The following GABRA3 variants were observed in gnomAD, a reference collection of about 807,000 sequenced individuals.
The protein encoded by GABRA3 is gamma-aminobutyric acid receptor subunit alpha-3.
In GABRA3, 10 loss-of-function variants were observed where a neutral mutation model predicts 30.1. The observed-to-expected ratio is 0.33, with a 90% CI of 0.20 to 0.56. The LOEUF (loss-of-function observed/expected upper bound fraction) is 0.56, where lower values mean the gene tolerates loss of function less well. GABRA3 is among the 20% of genes least tolerant of loss of function. GABRA3 has a pLI of 0.89. For missense variants in GABRA3, 233 were observed against 392.0 expected (o/e 0.59, Z 3.42); for synonymous variants, 151 against 146.8 (o/e 1.03, Z -0.21).
chrX:152,373,085 A>T (rs1395419578), intron 1 of GABRA3, among the ~76,000 whole-genome samples: 1 of 111,862 alleles, frequency 8.9e-6, no homozygotes, highest in Admixed American at 9.5e-5. Flanking sequence ...AACTATGCTC[A>T]GTTCATACTT....
intron 4 of GABRA3, among the ~76,000 whole-genome samples, chrX:152,264,865 T>C (rs1159587655): frequency 9.1e-6 from 1 of 110,357 alleles, no homozygotes; most frequent in African/African-American, 3.3e-5. Context: ...TCAGACAAAA[T>C]AGATATCAAG....
At chrX:152,220,047 A>G (rs1937802568) in intron 6 of GABRA3, among the ~76,000 whole-genome samples, 2 of 111,685 alleles carry the variant, frequency 1.8e-5, no homozygotes, top group Admixed American at 9.6e-5. Flanking sequence ...CTCTTTCTGA[A>G]TACTTCTAAA....
chrX:152,199,114 C>T (rs776612158), intron 7 of GABRA3, among the ~76,000 whole-genome samples: 9 of 111,390 alleles, frequency 8.1e-5, no homozygotes, highest in Admixed American at 2.9e-4. Context: ...TGCCTGTAAT[C>T]CCAGCACTTT....
At chrX:152,308,341 A>G (rs1216469606) in intron 3 of GABRA3, among the ~76,000 whole-genome samples, 3 of 112,590 alleles carry the variant, frequency 2.7e-5, no homozygotes, top group Non-Finnish European at 5.6e-5. Flanking sequence ...TGGCATGCAT[A>G]CGCACAAACC....
At chrX:152,354,343 G>A (rs1311696464) in intron 2 of GABRA3, among the ~76,000 whole-genome samples, 2 of 111,334 alleles carry the variant, frequency 1.8e-5, no homozygotes, top group African/African-American at 6.5e-5. Context: ...CTGTTATAAG[G>A]ATTATATTAA....
At chrX:152,186,775 C>T (rs757351751) in intron 9 of GABRA3, 1 of 109,597 alleles carries the variant, frequency 9.1e-6, no homozygotes, top group African/African-American at 3.3e-5. Flanking sequence ...GCATATGCAC[C>T]CATGCCCAGA....
At position 152,167,995 on chromosome X, in the gene GABRA3, A is replaced by G. The variant is rs1009102566; in HGVS notation, c.*233T>C. On this transcript the variant is annotated 3_prime_UTR_variant, in exon 10 of 10. Transcript: ENST00000370314. ...TTGGCAGACTAAGATGAGCAACTGG[A>G]CAAATGGCAGTGTTTGGCTTTGATG... 2 of 409,736 alleles carry G rather than the reference A, an allele frequency of 4.9e-6. No individual in the cohort carries two copies. The highest frequency in any genetic ancestry group is 8.5e-6 in the Non-Finnish European group (2 of 236,181). 33.8% of individuals were successfully genotyped at this position (409,736 alleles called of 1,213,427 possible).
intron 1 of GABRA3, among the ~76,000 whole-genome samples, chrX:152,418,842 G>GT (rs1930302576): frequency 9.0e-6 from 1 of 111,454 alleles, no homozygotes; most frequent in South Asian, 3.7e-4. Context: ...GCATGCACAC[G>GT]TATGTTTATT....
At chrX:152,373,190 G>C (rs1283144602) in intron 1 of GABRA3, among the ~76,000 whole-genome samples, 2 of 111,162 alleles carry the variant, frequency 1.8e-5, no homozygotes, top group Non-Finnish European at 3.8e-5. Context: ...GTGTTACATA[G>C]GTAAACATGT....
Position 152,304,244 on chromosome X carries a change from G to T in GABRA3, c.263-19509C>A, listed in dbSNP as rs953029558. On this transcript the variant is annotated intron_variant, in intron 3 of 9. Coordinates refer to ENST00000370314, the MANE Select transcript of GABRA3 (RefSeq NM_000808.4). ...ATTTACAAATATTTTCTCTCATTCT[G>T]TAGGTTGTCTGTTAACTCTGTTGAT... is the stretch of plus-strand genomic sequence containing the variant. Among the ~76,000 whole-genome samples, 5 of 111,821 alleles carry T rather than the reference G, an allele frequency of 4.5e-5. No individual in the cohort carries two copies. In the Admixed American group the frequency reaches 4.7e-4, roughly 11 times the overall value.
chrX:152,231,694 A>G (rs1168583918), intron 5 of GABRA3, among the ~76,000 whole-genome samples: 2 of 111,609 alleles, frequency 1.8e-5, no homozygotes, highest in African/African-American at 6.5e-5. Context: ...AGATAAATGA[A>G]AACATATGTC....
intron 9 of GABRA3, among the ~76,000 whole-genome samples, chrX:152,180,265 T>C (rs766972899): frequency 8.9e-6 from 1 of 112,177 alleles, no homozygotes; most frequent in Non-Finnish European, 1.9e-5. Flanking sequence ...TGATATCTCA[T>C]TGTGGTTTTA....
At chrX:152,382,291 G>A (rs764949014) in intron 1 of GABRA3, among the ~76,000 whole-genome samples, 1 of 112,407 alleles carries the variant, frequency 8.9e-6, no homozygotes, top group Non-Finnish European at 1.9e-5. Context: ...AGATGCTGGA[G>A]AGGATGTGGA....
In GABRA3 at chrX:152,418,037, GA is replaced by G. The variant is rs758015926; in HGVS notation, c.-27+33108del. 1.4e-4 allele frequency among the ~76,000 whole-genome samples: 15 copies of G among 103,814 alleles called. No individual in the cohort carries two copies. In the East Asian group the frequency reaches 2.1e-3, roughly 15 times the overall value. The allele number at this position is 103,814 out of a possible 115,157, so 90.1% of individuals were successfully genotyped here. On this transcript the variant is annotated intron_variant, in intron 1 of 9. Transcript: ENST00000370314. Reference sequence around the variant, plus strand: ...ACTTAATGTATAATAAAAAAAAGAAGAAAAAAAAGAAAAAAAATGAAAAAAT... The same window carrying G: ...ACTTAATGTATAATAAAAAAAAGAAGAAAAAAAGAAAAAAAATGAAAAAAT...
intron 5 of GABRA3, among the ~76,000 whole-genome samples, chrX:152,236,258 T>G (rs1241682539): frequency 4.8e-5 from 5 of 104,608 alleles, no homozygotes; most frequent in Non-Finnish European, 7.8e-5. Flanking sequence ...GGTTTTTTGT[T>G]CTTGCGATAG....
At chrX:152,322,739 G>T (rs1470957838) in intron 3 of GABRA3, among the ~76,000 whole-genome samples, 12 of 107,145 alleles carry the variant, frequency 1.1e-4, no homozygotes, top group African/African-American at 4.1e-4. Flanking sequence ...TCACCATGTT[G>T]GTCAGGTTGG....
intron 5 of GABRA3, among the ~76,000 whole-genome samples, chrX:152,225,389 A>G (rs949294325): frequency 1.0e-5 from 1 of 97,116 alleles, no homozygotes; most frequent in African/African-American, 3.9e-5. Context: ...ACACACACAC[A>G]TACACCACAC....
At position 152,351,016 on chromosome X, in the gene GABRA3, T is replaced by C. The variant is rs1940471323; in HGVS notation, c.141-5314A>G. ...GTAGACTGCAACCGTGTGCTTAAAA[T>C]ATTCGGTAAACCGTGCTATAAACAG... On this transcript the variant is annotated intron_variant, in intron 2 of 9. Coordinates refer to ENST00000370314, the MANE Select transcript of GABRA3 (RefSeq NM_000808.4). 5.4e-5 allele frequency among the ~76,000 whole-genome samples: 6 copies of C among 111,973 alleles called. No individual in the cohort carries two copies. The South Asian group carries it at 2.2e-3, about 41-fold the overall frequency.
intron 4 of GABRA3, among the ~76,000 whole-genome samples, chrX:152,279,508 C>G (rs935069097): frequency 9.0e-6 from 1 of 111,719 alleles, no homozygotes; most frequent in Non-Finnish European, 1.9e-5. Context: ...GTTTTGGTTA[C>G]TGTAGCTTTG....
Sources: gnomAD v4.1 joint callset for allele counts (sites outside exome capture counted in the v4.1 genomes callset) on GRCh38, gnomAD v4.1.1 for gene constraint, MANE v1.5 for transcripts, NCBI Gene and HGNC (gene_info 2026-07-23, HGNC 2026-07-21) for gene names.